MEIG1: variants seen among roughly 807,000 people sequenced by gnomAD.
MEIG1 encodes the protein meiosis/spermiogenesis associated 1, also known as meiosis expressed gene 1 protein homolog.
Under a neutral mutation model 11.3 loss-of-function variants are expected in MEIG1, and 12 were observed. The ratio of observed to expected loss-of-function variants is 1.07; its 90% confidence interval spans 0.68 to 1.73. The LOEUF (loss-of-function observed/expected upper bound fraction) is 1.73. MEIG1 is among the 40% of genes most tolerant of loss of function. MEIG1 has a pLI of 0.00. For synonymous variants in MEIG1, 41 were observed against 33.2 expected, an observed-to-expected ratio of 1.24 and a Z score of -0.81; for missense variants, 119 against 104.9, an observed-to-expected ratio of 1.13 and a Z score of -0.59.
downstream of MEIG1, among the ~76,000 whole-genome samples, chr10:14,975,633 C>G (rs185614556): frequency 3.3e-5 from 5 of 152,024 alleles, no homozygotes; most frequent in African/African-American, 9.7e-5. Flanking sequence ...TTCTTAATAA[C>G]GCAGGGTGTG....
At chr10:14,981,041 C>T (rs920546138) in intron 1 of MEIG1, among the ~76,000 whole-genome samples, 12 of 152,032 alleles carry the variant, frequency 7.9e-5, no homozygotes, top group Admixed American at 6.6e-4. Context: ...TGTTCCATGG[C>T]GAATGACAAG....
intron 1 of MEIG1, among the ~76,000 whole-genome samples, chr10:14,985,257 G>A (rs1416765560): frequency 6.6e-6 from 1 of 151,874 alleles, no homozygotes; most frequent in African/African-American, 2.4e-5. Flanking sequence ...CTATGGTCAC[G>A]GGGGTATACA....
At chr10:14,985,706 G>A (rs1165103836) in intron 1 of MEIG1, among the ~76,000 whole-genome samples, 1 of 151,966 alleles carries the variant, frequency 6.6e-6, no homozygotes, top group Non-Finnish European at 1.5e-5. Flanking sequence ...TGTACACCTT[G>A]TGACGTGATC....
At chr10:14,966,708 C>A in intron 2 of MEIG1, 102 bp downstream of exon 2, 2 of 1,021,628 alleles carry the variant, frequency 2.0e-6, no homozygotes, top group South Asian at 1.5e-5. Context: ...AATTCGACTC[C>A]AACTCTCTCA....
intron 2 of MEIG1, among the ~76,000 whole-genome samples, chr10:14,971,628 G>C (rs963374102): frequency 6.6e-6 from 1 of 152,170 alleles, no homozygotes; most frequent in African/African-American, 2.4e-5. Context: ...TGAGTTGCTT[G>C]CTTTATTCAC....
At position 14,960,028 on chromosome 10, in the gene MEIG1, G is replaced by A. The variant is rs118164217; in HGVS notation, c.-30+471G>A. On this transcript the variant is annotated intron_variant, in intron 1 of 2. Coordinates refer to ENST00000407572, the MANE Select transcript of MEIG1 (RefSeq NM_001080836.3). ...ACACAGGCAGGTCAGCACTCCCAGA[G>A]CAGGGACCGCCGGGCGTGCTTTCGG... Among the ~76,000 whole-genome samples the A allele has an allele frequency of 5.4e-3, 824 of 152,336 alleles. 14 individuals are homozygous for A. Among genetic ancestry groups the A allele is most frequent in the East Asian group, 0.031 (160 of 5,180 alleles).
chr10:14,959,269 T>C (rs1842982631), upstream of MEIG1, among the ~76,000 whole-genome samples: 1 of 152,242 alleles, frequency 6.6e-6, no homozygotes, highest in African/African-American at 2.4e-5. Flanking sequence ...CTTAGTAAGA[T>C]GGGCCGGCGC....
downstream of MEIG1, among the ~76,000 whole-genome samples, chr10:14,976,106 G>A (rs2131278455): frequency 6.6e-6 from 1 of 152,174 alleles, no homozygotes; most frequent in South Asian, 2.1e-4. Context: ...CCTTGCGACG[G>A]GAATCGTAAT....
chr10:14,959,398 G>T lies in MEIG1; in HGVS notation c.-189G>T, dbSNP rs1302556908. 2.0e-5 allele frequency: 3 copies of T among 152,314 alleles called. No individual in the cohort carries two copies. The highest frequency in any genetic ancestry group is 2.1e-4 in the South Asian group (1 of 4,836). 9.4% of individuals were successfully genotyped at this position (152,314 alleles called of 1,614,324 possible). A position where few individuals can be genotyped will look rare whatever the true frequency, so the allele number is the denominator to read the frequency against. On this transcript the variant is annotated 5_prime_UTR_variant, in exon 1 of 3. Coordinates refer to ENST00000407572, the MANE Select transcript of MEIG1 (RefSeq NM_001080836.3). ...CAGCTTCATCGCGTTACTAAGAGAC[G>T]CGAGGGTCGCGAAGGGCACAACACT...
At chr10:14,964,636 C>CT (rs35249492) in intron 1 of MEIG1, among the ~76,000 whole-genome samples, 603 of 49,220 alleles carry the variant, frequency 0.012, 50 homozygotes, top group African/African-American at 0.027. Flanking sequence ...TATATGTATA[C>CT]TTTTTTTTTT....
intron 1 of MEIG1, among the ~76,000 whole-genome samples, chr10:14,963,204 CT>C (rs1471460698): frequency 1.3e-5 from 2 of 151,464 alleles, no homozygotes; most frequent in East Asian, 3.9e-4. Flanking sequence ...TCAAGCAATT[CT>C]CCTACCTCAG....
At chr10:14,975,768 G>T (rs990077136), downstream of MEIG1, among the ~76,000 whole-genome samples, 3 of 152,088 alleles carry the variant, frequency 2.0e-5, no homozygotes, top group Non-Finnish European at 2.9e-5. Flanking sequence ...AGAAGAGGAT[G>T]ATGTTACTTT....
chr10:14,974,814 AT>A (rs1233172153), downstream of MEIG1, among the ~76,000 whole-genome samples: 24 of 152,036 alleles, frequency 1.6e-4, no homozygotes, highest in Non-Finnish European at 3.1e-4. Context: ...GCTCTTAATA[AT>A]TAATATTAAT....
At chr10:14,956,430 A>AT (rs1036232023), upstream of MEIG1, among the ~76,000 whole-genome samples, 9 of 151,478 alleles carry the variant, frequency 5.9e-5, no homozygotes, top group Admixed American at 5.9e-4. Context: ...AATAAAAAAA[A>AT]AAATAGCCAG....
intron 1 of MEIG1, among the ~76,000 whole-genome samples, chr10:14,981,527 A>C (rs1481041302): frequency 6.6e-6 from 1 of 152,114 alleles, no homozygotes; most frequent in Non-Finnish European, 1.5e-5. Flanking sequence ...TTTTTGGATA[A>C]GGGGGCGACC....
intron 1 of MEIG1, among the ~76,000 whole-genome samples, chr10:14,965,773 G>C (rs184750676): frequency 6.6e-6 from 1 of 151,422 alleles, no homozygotes; most frequent in East Asian, 2.0e-4. Context: ...AATCTACTGA[G>C]CATGTTTTCA....
chr10:14,977,957 G>A (rs188763700), intron 1 of MEIG1, among the ~76,000 whole-genome samples: 68 of 151,938 alleles, frequency 4.5e-4, no homozygotes, highest in African/African-American at 1.0e-3. Flanking sequence ...GACATTATTC[G>A]TAATATCCTG....
At chr10:14,976,244 C>A (rs1843208636), downstream of MEIG1, among the ~76,000 whole-genome samples, 1 of 152,266 alleles carries the variant, frequency 6.6e-6, no homozygotes, top group African/African-American at 2.4e-5. Flanking sequence ...CTAGTAAAGT[C>A]ACCGGGGTAT....
At chr10:14,978,326 T>C (rs540605438) in intron 1 of MEIG1, among the ~76,000 whole-genome samples, 4 of 152,160 alleles carry the variant, frequency 2.6e-5, no homozygotes, top group African/African-American at 9.6e-5. Flanking sequence ...ATATTATTCA[T>C]AATATCCTTG....
Sources: allele counts gnomAD v4.1 joint callset (sites outside exome capture counted in the v4.1 genomes callset), GRCh38; gene constraint gnomAD v4.1.1; transcripts MANE v1.5; gene names NCBI Gene and HGNC (gene_info 2026-07-23, HGNC 2026-07-21).